The following RXRA variants were observed in gnomAD, a reference collection of about 807,000 sequenced individuals.
The protein encoded by RXRA is retinoic acid receptor RXR-alpha.
RXRA carries 5 observed loss-of-function variants against 44.5 expected under a neutral mutation model. The ratio of observed to expected loss-of-function variants is 0.11; its 90% CI spans 0.06 to 0.24. The LOEUF (loss-of-function observed/expected upper bound fraction) is 0.24. Ranked by LOEUF, RXRA falls within the 10% of genes least tolerant of loss-of-function variation. RXRA has a pLI of 1.00. For missense variants in RXRA, 412 were observed against 646.5 expected (o/e 0.64, Z 3.93); for synonymous variants, 291 against 271.4 (o/e 1.07, Z -0.71).
At chr9:134,368,855 A>G (rs1006685045) in intron 1 of RXRA, among the ~76,000 whole-genome samples, 1 of 123,186 alleles carries the variant, frequency 8.1e-6, no homozygotes, top group Non-Finnish European at 1.6e-5. Context: ...TGTGTGTGAA[A>G]GTGTGTGAGT....
intron 1 of RXRA, among the ~76,000 whole-genome samples, chr9:134,347,179 G>A (rs1564263804): frequency 1.3e-5 from 2 of 152,010 alleles, no homozygotes; most frequent in African/African-American, 4.8e-5. Context: ...TGGGGTTGGG[G>A]TGGGGACCTC....
In RXRA at chr9:134,370,883, G is replaced by A. The variant is rs528086614; in HGVS notation, c.29-30749G>A. On this transcript the variant is annotated intron_variant, in intron 1 of 9. Transcript: ENST00000481739. The stretch of plus-strand genomic sequence containing the variant: ...CCAAGAGAAGGGTGGCTGGCCCGGC[G>A]GGTGGCTGCTGAGGGGCCATCGCGG... Among the ~76,000 whole-genome samples the A allele has an allele frequency of 5.9e-5, 9 of 152,348 alleles. No individual in the cohort carries two copies. In the East Asian group the frequency reaches 9.6e-4, roughly 16 times the overall value.
At position 134,436,643 on chromosome 9, in the gene RXRA, C is replaced by T. The variant is rs35678595; in HGVS notation, c.*29C>T. ...TGCGGGCCCATCCTTTGTGCCCACC[C>T]GTTCTGGCCACCCTGCCTGGACGCC... On this transcript the variant is annotated 3_prime_UTR_variant, in exon 10 of 10. Transcript: ENST00000481739. The T allele has an allele frequency of 1.6e-4, 254 of 1,612,246 alleles. 3 individuals carry two copies. The East Asian group carries it at 5.1e-3, about 33-fold the overall frequency.
In RXRA at chr9:134,332,344, C is replaced by T. The variant is rs886277195; in HGVS notation, c.28+5685C>T. Among the ~76,000 whole-genome samples, 12 of 152,328 alleles carry T rather than the reference C, an allele frequency of 7.9e-5. No homozygotes were observed. The South Asian group carries it at 2.1e-3, about 26-fold the overall frequency. On this transcript the variant is annotated intron_variant, in intron 1 of 9. Transcript: ENST00000481739. The stretch of plus-strand genomic sequence containing the variant: ...GTAGGGGCACAGTTCTTTCTGAGGT[C>T]CTAACCCAGCACACGCGGCCCACCC...
At position 134,343,293 on chromosome 9, in the gene RXRA, C is replaced by T. The variant is rs1451085417; in HGVS notation, c.28+16634C>T. Among the ~76,000 whole-genome samples, 1 of 152,170 alleles carries T rather than the reference C, an allele frequency of 6.6e-6. No individual in the cohort carries two copies. The highest frequency in any genetic ancestry group is 1.5e-5 in the Non-Finnish European group (1 of 68,036). On this transcript the variant is annotated intron_variant, in intron 1 of 9. Transcript: ENST00000481739. The surrounding 1 kb of genome is among the most constrained non-coding windows in gnomAD (Gnocchi z 4.1). ...AGGGTTGACTGAAGTAAGGCCTGTC[C>T]TTCAGTTCTTGCCTGGGAGCAGGGA...
At chr9:134,405,418 G>C (rs527854254) in intron 2 of RXRA, 1 of 152,440 alleles carries the variant, frequency 6.6e-6, no homozygotes, top group South Asian at 2.1e-4. Context: ...ACTGAGGTCT[G>C]GGGGAGCCAG....
At chr9:134,380,232 C>G in intron 1 of RXRA, 1 of 974,050 alleles carries the variant, frequency 1.0e-6, no homozygotes, top group African/African-American at 1.8e-5. Context: ...TGAGTCACGC[C>G]GATCCCAGGA....
At chr9:134,357,923 C>T (rs920169016) in intron 1 of RXRA, among the ~76,000 whole-genome samples, 8 of 152,118 alleles carry the variant, frequency 5.3e-5, no homozygotes, top group Non-Finnish European at 1.2e-4. Context: ...AGGGGAGGAG[C>T]CACAGCAGAG....
At chr9:134,362,656 A>C (rs923116086) in intron 1 of RXRA, among the ~76,000 whole-genome samples, 9 of 152,222 alleles carry the variant, frequency 5.9e-5, no homozygotes, top group African/African-American at 2.2e-4. Context: ...CTGACGGTTA[A>C]GTCGTGGATT....
chr9:134,394,120 GTGA>G (rs995468847), intron 1 of RXRA, among the ~76,000 whole-genome samples: 1 of 398 alleles, frequency 2.5e-3, no homozygotes, highest in East Asian at 0.1. Flanking sequence ...GGTGGTGGTG[GTGA>G]TGATGATGTA....
At chr9:134,354,488 G>A (rs1036953374) in intron 1 of RXRA, among the ~76,000 whole-genome samples, 2 of 152,200 alleles carry the variant, frequency 1.3e-5, no homozygotes, top group Non-Finnish European at 2.9e-5. Flanking sequence ...GGTCTCACCT[G>A]GGCTGCCCAT....
At chr9:134,378,935 G>A (rs187411527) in intron 1 of RXRA, among the ~76,000 whole-genome samples, 1 of 152,204 alleles carries the variant, frequency 6.6e-6, no homozygotes, top group Non-Finnish European at 1.5e-5. Context: ...TTCATCCTGT[G>A]CCCGGAAGAG....
chr9:134,396,710 G>A lies in RXRA; in HGVS notation c.29-4922G>A, dbSNP rs558770776. Among the ~76,000 whole-genome samples, 5 of 152,242 alleles carry A rather than the reference G, an allele frequency of 3.3e-5. No homozygotes were observed. In the South Asian group the frequency reaches 1.0e-3, roughly 32 times the overall value. On this transcript the variant is annotated intron_variant, in intron 1 of 9. Transcript: ENST00000481739. Reference sequence around the variant, plus strand: ...GGATTCCCCACCGTGGAGCCCACGGGACCCTACCCCAAGCTCCCCCATTTA... The same window carrying A: ...GGATTCCCCACCGTGGAGCCCACGGAACCCTACCCCAAGCTCCCCCATTTA...
At chr9:134,330,748 C>T (rs1172855425) in intron 1 of RXRA, among the ~76,000 whole-genome samples, 2 of 152,226 alleles carry the variant, frequency 1.3e-5, no homozygotes, top group African/African-American at 4.8e-5. Flanking sequence ...GGTCAGGCCA[C>T]CTGGGGTTGG....
At chr9:134,335,867 C>T (rs1554747217) in intron 1 of RXRA, among the ~76,000 whole-genome samples, 3 of 152,178 alleles carry the variant, frequency 2.0e-5, no homozygotes, top group Admixed American at 2.0e-4. Context: ...CCCTGTAGTG[C>T]CCTGTGGTCC....
chr9:134,332,587 G>C (rs1228458867), intron 1 of RXRA, among the ~76,000 whole-genome samples: 1 of 152,052 alleles, frequency 6.6e-6, no homozygotes, highest in Non-Finnish European at 1.5e-5. Flanking sequence ...GGTGAAGAGG[G>C]TGAGGACGCA....
chr9:134,415,301 CG>C (rs1233072302), intron 4 of RXRA, among the ~76,000 whole-genome samples: 1 of 151,908 alleles, frequency 6.6e-6, no homozygotes, highest in Non-Finnish European at 1.5e-5. Context: ...ACCCTGGGCC[CG>C]GGGGTGTGAA....
At chr9:134,401,443 AGCTCTGG>A in intron 1 of RXRA, 182 bp from the exon 2 acceptor site, 1 of 839,688 alleles carries the variant, frequency 1.2e-6, no homozygotes, top group East Asian at 2.5e-5. Context: ...CTTGGAGGGG[AGCTCTGG>A]GCACACCTGG....
chr9:134,363,195 G>T lies in RXRA; in HGVS notation c.28+36536G>T, dbSNP rs529184885. ...CGTTCTCCCCATGGGGACCTTTTGG[G>T]AGTCGTCATTAGTGATGGAAGTAAC... On this transcript the variant is annotated intron_variant, in intron 1 of 9. Coordinates refer to ENST00000481739, the MANE Select transcript of RXRA (RefSeq NM_002957.6). Among the ~76,000 whole-genome samples the T allele has an allele frequency of 5.3e-5, 8 of 152,294 alleles. No homozygotes were observed. The South Asian group carries it at 1.7e-3, about 32-fold the overall frequency.
Sources: gnomAD v4.1 joint callset for allele counts (sites outside exome capture counted in the v4.1 genomes callset) on GRCh38, gnomAD v4.1.1 for gene constraint, Gnocchi (gnomAD v3.1) non-coding constraint, MANE v1.5 for transcripts, NCBI Gene and HGNC (gene_info 2026-07-23, HGNC 2026-07-21) for gene names.